Variants in C12orf42 observed in about 807,000 individuals in gnomAD.
C12orf42 encodes the protein uncharacterized protein C12orf42.
C12orf42 carries 25 observed loss-of-function variants against 21.6 expected under a neutral mutation model. The ratio of observed to expected loss-of-function variants is 1.16; its 90% CI spans 0.84 to 1.62. The LOEUF (loss-of-function observed/expected upper bound fraction) is 1.62, where lower values mean the gene tolerates loss of function less well. C12orf42 is among the 40% of genes most tolerant of loss of function. The pLI, the probability that C12orf42 is intolerant of heterozygous loss-of-function variation, is 0.00. For missense variants in C12orf42, 483 were observed against 459.3 expected (o/e 1.05, Z -0.47); for synonymous variants, 174 against 175.0 (o/e 0.99, Z 0.05).
chr12:103,064,208 A>G, the C12orf42 span, among the ~76,000 whole-genome samples: 1 of 152,200 alleles, frequency 6.6e-6, no homozygotes, highest in South Asian at 2.1e-4. Context: ...GCATCTTTGC[A>G]GAGCCCTGTA....
At chr12:103,293,228 C>T (rs535047577) in intron 4 of C12orf42, among the ~76,000 whole-genome samples, 1 of 152,188 alleles carries the variant, frequency 6.6e-6, no homozygotes, top group South Asian at 2.1e-4. Context: ...CAACATATAT[C>T]TGCAGGTATA....
chr12:103,510,085 C>A, the C12orf42 span, among the ~76,000 whole-genome samples: 2 of 152,092 alleles, frequency 1.3e-5, no homozygotes, highest in South Asian at 4.1e-4. Flanking sequence ...TTTGCAATTG[C>A]AAAAATGTGG....
At chr12:103,395,458 C>G (rs1296016244) in intron 3 of C12orf42, among the ~76,000 whole-genome samples, 1 of 152,008 alleles carries the variant, frequency 6.6e-6, no homozygotes, top group African/African-American at 2.4e-5. Flanking sequence ...GCCTCAGCCT[C>G]CTGAGTAGCT....
chr12:103,515,317 C>T, the C12orf42 span, among the ~76,000 whole-genome samples: 4 of 152,118 alleles, frequency 2.6e-5, no homozygotes, highest in African/African-American at 9.7e-5. Context: ...GCATAGTGAC[C>T]TGTGCTCTTA....
rs1593334046 is a variant in C12orf42 at position 103,302,052 on chromosome 12, G to T, written c.*56C>A. ...CATCTGAGGCCCTTTCTGTTGTTCT[G>T]AGCAGGCATTGATTTGAAGATGGGC... On this transcript the variant is annotated 3_prime_UTR_variant, in exon 6 of 6. Coordinates refer to ENST00000548883, the MANE Select transcript of C12orf42 (RefSeq NM_198521.5). 6.5e-7 allele frequency: 1 copy of T among 1,542,058 alleles called. No homozygotes were observed. Among genetic ancestry groups the T allele is most frequent in the Non-Finnish European group, 8.8e-7 (1 of 1,133,334 alleles).
At position 103,259,960 on chromosome 12, in the gene C12orf42, T is replaced by TA. The variant is rs1166155069; in HGVS notation, c.*1366+3365dup. ...CCAAGGTTCAGGTCAATCAGATAGT[T>TA]AAAAAAATGGAGCTATTTGTATCTA... On this transcript the variant is annotated intron_variant and NMD_transcript_variant, in intron 10 of 10. Coordinates refer to the C12orf42 transcript ENST00000547347. Among the ~76,000 whole-genome samples the TA allele has an allele frequency of 7.9e-5, 12 of 152,058 alleles. 1 individual carries two copies. The highest frequency in any genetic ancestry group is 4.1e-4 in the South Asian group (2 of 4,824).
the C12orf42 span, among the ~76,000 whole-genome samples, chr12:103,127,226 T>C: frequency 1.3e-5 from 2 of 152,236 alleles, no homozygotes; most frequent in East Asian, 3.9e-4. Context: ...TATCACTAAG[T>C]TTTTTGCATA....
the C12orf42 span, among the ~76,000 whole-genome samples, chr12:103,099,347 T>G: frequency 6.6e-6 from 1 of 152,162 alleles, no homozygotes; most frequent in Non-Finnish European, 1.5e-5. Flanking sequence ...CCAAAAATTA[T>G]CAATAAGTAG....
chr12:103,382,995 T>G (rs370275883), intron 3 of C12orf42, among the ~76,000 whole-genome samples: 1 of 152,204 alleles, frequency 6.6e-6, no homozygotes, highest in Non-Finnish European at 1.5e-5. Flanking sequence ...CCAGTCAAGA[T>G]CAGAAGAGGT....
At chr12:103,532,830 T>C in the C12orf42 span, among the ~76,000 whole-genome samples, 2 of 152,162 alleles carry the variant, frequency 1.3e-5, no homozygotes, top group African/African-American at 2.4e-5. Flanking sequence ...ATTACAGAAG[T>C]GTCAGTCTTG....
At chr12:103,301,389 A>G (rs2037638631), downstream of C12orf42, among the ~76,000 whole-genome samples, 2 of 152,236 alleles carry the variant, frequency 1.3e-5, no homozygotes, top group African/African-American at 2.4e-5. Flanking sequence ...AAATCAATTG[A>G]TAAAGTTGGT....
chr12:103,548,032 A>C, the C12orf42 span: 1 of 152,156 alleles, frequency 6.6e-6, no homozygotes. Context: ...GTTTATATGT[A>C]TTTTTACTTG....
intron 4 of C12orf42, among the ~76,000 whole-genome samples, chr12:103,315,147 T>C (rs972383202): frequency 6.6e-6 from 1 of 152,194 alleles, no homozygotes; most frequent in Non-Finnish European, 1.5e-5. Context: ...TCCCAGTTTC[T>C]ATTACCTGAT....
the C12orf42 span, among the ~76,000 whole-genome samples, chr12:103,227,239 G>A: frequency 6.6e-6 from 1 of 152,034 alleles, no homozygotes; most frequent in African/African-American, 2.4e-5. Flanking sequence ...CCAGAAAAGT[G>A]GGAACAGGGG....
At chr12:103,342,053 G>T (rs1027715340) in intron 4 of C12orf42, among the ~76,000 whole-genome samples, 1 of 152,110 alleles carries the variant, frequency 6.6e-6, no homozygotes. Context: ...TAAATAGATA[G>T]ATACATAAAT....
the C12orf42 span, among the ~76,000 whole-genome samples, chr12:103,070,514 AT>A: frequency 9.5e-6 from 1 of 104,818 alleles, no homozygotes; most frequent in South Asian, 3.1e-4. Flanking sequence ...CTACATACAC[AT>A]ACACACACAC....
At chr12:103,119,338 C>T in the C12orf42 span, among the ~76,000 whole-genome samples, 209 of 152,268 alleles carry the variant, frequency 1.4e-3, 2 homozygotes, top group Middle Eastern at 6.8e-3. Context: ...AGCAGAAGGC[C>T]TAGTGTGCAA....
the C12orf42 span, among the ~76,000 whole-genome samples, chr12:103,177,822 C>T: frequency 6.6e-6 from 1 of 151,722 alleles, no homozygotes; most frequent in Non-Finnish European, 1.5e-5. Flanking sequence ...TCATCCTCAT[C>T]CCTTTTAATT....
intron 3 of C12orf42, among the ~76,000 whole-genome samples, chr12:103,397,496 G>A (rs1272736106): frequency 2.0e-5 from 3 of 152,138 alleles, no homozygotes; most frequent in African/African-American, 4.8e-5. Context: ...GAGGGATCAA[G>A]GTTGCACACT....
Sources: gnomAD v4.1 joint callset for allele counts (sites outside exome capture counted in the v4.1 genomes callset) on GRCh38, gnomAD v4.1.1 for gene constraint, MANE v1.5 for transcripts, NCBI Gene and HGNC (gene_info 2026-07-23, HGNC 2026-07-21) for gene names.